Variants in STAM observed in about 807,000 individuals in gnomAD.
The protein encoded by STAM is signal transducing adaptor molecule, also known as signal transducing adapter molecule 1.
STAM carries 16 observed loss-of-function variants against 63.4 expected under a neutral mutation model. The observed-to-expected ratio is 0.25, with a 90% CI of 0.17 to 0.38. The LOEUF is 0.38. Ranked by LOEUF, STAM falls within the 10% of genes least tolerant of loss-of-function variation. The pLI is 1.00. For synonymous variants in STAM, 238 were observed against 223.9 expected, an observed-to-expected ratio of 1.06 and a Z score of -0.56; for missense variants, 636 against 657.1, an observed-to-expected ratio of 0.97 and a Z score of 0.35.
chr10:17,685,945 A>G (rs1195707688), intron 4 of STAM, among the ~76,000 whole-genome samples: 1 of 152,192 alleles, frequency 6.6e-6, no homozygotes, highest in Non-Finnish European at 1.5e-5. Flanking sequence ...AGTACTGTAA[A>G]TCAAGAAAAA....
chr10:17,674,282 C>G (rs563699990), intron 2 of STAM, among the ~76,000 whole-genome samples: 9 of 152,314 alleles, frequency 5.9e-5, no homozygotes, highest in African/African-American at 1.9e-4. Flanking sequence ...CTACACAACT[C>G]TTAGTAGTAA....
chr10:17,657,861 T>C (rs76756752), intron 1 of STAM, among the ~76,000 whole-genome samples: 5 of 151,960 alleles, frequency 3.3e-5, no homozygotes, highest in South Asian at 4.1e-4. Flanking sequence ...TTTTTTTTTT[T>C]CCTTAGTTTA....
chr10:17,699,628 A>C (rs931333598), intron 8 of STAM, among the ~76,000 whole-genome samples: 6 of 152,234 alleles, frequency 3.9e-5, no homozygotes, highest in Non-Finnish European at 8.8e-5. Context: ...TGGAAGACTG[A>C]GACCCCTGTC....
chr10:17,685,949 A>G (rs1835276338), intron 4 of STAM, among the ~76,000 whole-genome samples: 2 of 152,182 alleles, frequency 1.3e-5, no homozygotes, highest in African/African-American at 4.8e-5. Flanking sequence ...CTGTAAATCA[A>G]GAAAAAGTTT....
chr10:17,696,899 A>ATTAGAAAACATCATTTAT, intron 8 of STAM, 30 bp downstream of exon 8: 1 of 1,537,520 alleles, frequency 6.5e-7, no homozygotes, highest in Non-Finnish European at 9.0e-7. Context: ...CCAATAAATG[A>ATTAGAAAACATCATTTAT]TGTTTTCTAA....
At chr10:17,705,053 T>G (rs782157800) in intron 11 of STAM, 29 bp downstream of exon 11, 6 of 1,599,754 alleles carry the variant, frequency 3.8e-6, no homozygotes, top group East Asian at 4.5e-5. Flanking sequence ...ATTTATGTTG[T>G]GTACCTTCTT....
Position 17,650,982 on chromosome 10 carries a change from G to A in STAM, c.40+6603G>A, listed in dbSNP as rs190562652. ...CAGGAGGCTGAGGCAGGAGAATAGC[G>A]TGAACCTGGGAGGCGGAGCTTGCGG... is the stretch of plus-strand genomic sequence containing the variant. On this transcript the variant is annotated intron_variant, in intron 1 of 13. Transcript: ENST00000377524. Among the ~76,000 whole-genome samples, 785 of 149,214 alleles carry A rather than the reference G, an allele frequency of 5.3e-3. 13 individuals carry two copies. The highest frequency in any genetic ancestry group is 0.019 in the African/African-American group (760 of 40,434).
intron 13 of STAM, among the ~76,000 whole-genome samples, chr10:17,709,377 AT>A (rs1836453062): frequency 6.6e-6 from 1 of 152,038 alleles, no homozygotes; most frequent in African/African-American, 2.4e-5. Context: ...ATATTTTCTT[AT>A]TTTTGCCCTG....
Position 17,644,391 on chromosome 10 carries a change from T to C in STAM, c.40+12T>C. 6.2e-7 allele frequency: 1 copy of C among 1,614,098 alleles called. No homozygotes were observed. The highest frequency in any genetic ancestry group is 1.1e-5 in the South Asian group (1 of 91,074). On this transcript the variant is annotated intron_variant, in intron 1 of 13. Transcript: ENST00000377524. The stretch of plus-strand genomic sequence containing the variant: ...CGATCAGGATGTTGGTAAGTGTTTT[T>C]GCCTCTCCCTGCCCATTCCTCACCG...
chr10:17,697,934 G>GA (rs1282558681), intron 8 of STAM, among the ~76,000 whole-genome samples: 2 of 151,576 alleles, frequency 1.3e-5, no homozygotes, highest in Admixed American at 1.3e-4. Context: ...AGAATTTTAA[G>GA]AAAAAAAATC....
chr10:17,678,605 A>T (rs1432629061), intron 2 of STAM, among the ~76,000 whole-genome samples: 1 of 152,152 alleles, frequency 6.6e-6, no homozygotes, highest in Non-Finnish European at 1.5e-5. Context: ...TTGTATTAGT[A>T]CTTATTTTAT....
intron 1 of STAM, among the ~76,000 whole-genome samples, chr10:17,653,686 A>G (rs966012660): frequency 6.6e-6 from 1 of 152,252 alleles, no homozygotes; most frequent in African/African-American, 2.4e-5. Context: ...AGTTATTTAC[A>G]TAACATTTAC....
In STAM at chr10:17,684,916, G is replaced by GT; in HGVS notation, c.287dup (p.Leu97IlefsTer3). On this transcript the variant is annotated frameshift_variant, in exon 4 of 14. Transcript: ENST00000377524. LOFTEE classifies it high-confidence loss of function. ...AGATTTTGCTAGTGAAGTAAGCAAC[G>GT]TATTAAATAAGGTAAGGAGCATTAT... 1 of 1,612,718 alleles carries GT rather than the reference G, an allele frequency of 6.2e-7. No individual in the cohort carries two copies. The highest frequency in any genetic ancestry group is 8.5e-7 in the Non-Finnish European group (1 of 1,179,026).
rs200190968 is a variant in STAM, at chr10:17,705,679, A to G, written c.1147A>G (p.Met383Val). The change falls in exon 12 of 14, where the codon ATG (methionine) becomes GTG (valine). Residue 383 changes from methionine (M) to valine (V), a missense_variant. Physicochemically the swap from Met to Val is conservative, Grantham distance 21. Around this residue, in one of 3 missense-constraint regions of STAM, gnomAD observed 532 missense variants for 536.9 expected, o/e 0.99. Transcript: ENST00000377524. ...AATGAACGAAGATCCGATGTATTCCATGTATGCAAAGTTACAGAATCAGCC... is the reference window on the plus strand; with the variant it reads ...AATGAACGAAGATCCGATGTATTCCGTGTATGCAAAGTTACAGAATCAGCC... ...KLMNEDPMYS[M>V]YAKLQNQPYY... 6.2e-7 allele frequency: 1 copy of G among 1,614,038 alleles called. No individual in the cohort carries two copies. The highest frequency in any genetic ancestry group is 1.3e-5 in the African/African-American group (1 of 75,014).
chr10:17,659,697 A>C (rs1554822626), intron 1 of STAM, among the ~76,000 whole-genome samples: 1 of 151,762 alleles, frequency 6.6e-6, no homozygotes, highest in African/African-American at 2.4e-5. Flanking sequence ...TCCCATCCTC[A>C]AGTGATCCTC....
intron 4 of STAM, among the ~76,000 whole-genome samples, chr10:17,685,183 C>T (rs997590203): frequency 2.6e-5 from 4 of 152,104 alleles, no homozygotes; most frequent in African/African-American, 9.7e-5. Context: ...GATAAGAAAA[C>T]AGGTATTTCT....
chr10:17,716,123 G>A lies in STAM; in HGVS notation c.*1343G>A, dbSNP rs782515665. On this transcript the variant is annotated 3_prime_UTR_variant, in exon 14 of 14. Transcript: ENST00000377524. Reference sequence around the variant, plus strand: ...TTAAATATTTACGATTTCCCTGGTTGGGCTATACTATTATTTTAGCACTAT... The same window carrying A: ...TTAAATATTTACGATTTCCCTGGTTAGGCTATACTATTATTTTAGCACTAT... Among the ~76,000 whole-genome samples the A allele has an allele frequency of 2.0e-5, 3 of 151,902 alleles. No homozygotes were observed. The highest frequency in any genetic ancestry group is 2.9e-5 in the Non-Finnish European group (2 of 67,932).
At position 17,704,495 on chromosome 10, in the gene STAM, T is replaced by C. The variant is rs782553909; in HGVS notation, c.977T>C (p.Leu326Pro). 23 of 1,614,028 alleles carry C rather than the reference T, an allele frequency of 1.4e-5. No homozygotes were observed. In the East Asian group the frequency reaches 4.9e-4, roughly 34 times the overall value. ...GACCCCAGTGATGATCAGCCAGACC[T>C]ACCAGAGCTGCTTCATCTTGAAGGT... ...STDPSDDQPDLPELLHLEAMC... is the reference protein window; with the variant it reads ...STDPSDDQPDPPELLHLEAMC... Residue 326 changes from leucine to proline, a missense_variant, in exon 10 of 14, where the codon CTA (leucine) becomes CCA (proline). Leu to Pro is a moderately conservative substitution (Grantham distance 98, BLOSUM62 -3). This residue lies in a region of STAM where 532 missense variants were observed against 536.9 expected (regional missense o/e 0.99). Coordinates refer to ENST00000377524, the MANE Select transcript of STAM (RefSeq NM_003473.4).
chr10:17,695,214 G>C lies in STAM; in HGVS notation c.701G>C (p.Gly234Ala), dbSNP rs370439088. ...AEDNELTFKA[G>A]EIITVLDDSD... ...GACAATGAACTTACTTTTAAAGCTG[G>C]AGAAATTATTACAGTTCTTGATGAC... Residue 234 changes from glycine to alanine, a missense_variant, in exon 7 of 14, where the codon GGA (glycine) becomes GCA (alanine). Gly to Ala is a moderately conservative substitution (Grantham distance 60). Coordinates refer to ENST00000377524, the MANE Select transcript of STAM (RefSeq NM_003473.4). The C allele has an allele frequency of 4.3e-6, 7 of 1,613,536 alleles. No individual in the cohort carries two copies. The highest frequency in any genetic ancestry group is 1.3e-5 in the African/African-American group (1 of 74,900).
Sources: gnomAD v4.1 joint callset for allele counts (sites outside exome capture counted in the v4.1 genomes callset) on GRCh38, gnomAD v4.1.1 for gene constraint, gnomAD v4.1.1 regional missense constraint, MANE v1.5 for transcripts, NCBI Gene and HGNC (gene_info 2026-07-23, HGNC 2026-07-21) for gene names.